YPEL2: variants seen among roughly 807,000 people sequenced by gnomAD.
The protein encoded by YPEL2 is protein yippee-like 2.
A neutral mutation model predicts 19.1 loss-of-function variants in YPEL2; 2 were observed. The ratio of observed to expected loss-of-function variants is 0.10; its 90% CI spans 0.04 to 0.33. The LOEUF (loss-of-function observed/expected upper bound fraction) is 0.33. YPEL2 is among the 10% of genes least tolerant of loss of function. YPEL2 has a pLI of 1.00. For synonymous variants in YPEL2, 52 were observed against 50.0 expected, an observed-to-expected ratio of 1.04 and a Z score of -0.17; for missense variants, 66 against 140.7, an observed-to-expected ratio of 0.47 and a Z score of 2.68.
chr17:59,397,055 T>C (rs778466151), intron 4 of YPEL2, 46 bp from the exon 5 acceptor site: 2 of 1,479,694 alleles, frequency 1.4e-6, no homozygotes, highest in Non-Finnish European at 1.8e-6. Flanking sequence ...ATCATTTTCT[T>C]GTCTTTGGTC....
chr17:59,382,562 A>G (rs1255913748), intron 2 of YPEL2, among the ~76,000 whole-genome samples: 1 of 152,262 alleles, frequency 6.6e-6, no homozygotes, highest in African/African-American at 2.4e-5. Context: ...TATGAATTAC[A>G]TATGTGTGCT....
At chr17:59,393,697 T>A (rs1340402379) in intron 4 of YPEL2, among the ~76,000 whole-genome samples, 1 of 147,390 alleles carries the variant, frequency 6.8e-6, no homozygotes, top group Non-Finnish European at 1.5e-5. Flanking sequence ...TACTTGAGAT[T>A]AGGGAGTGGT....
At chr17:59,360,198 T>G (rs1394348482) in intron 2 of YPEL2, among the ~76,000 whole-genome samples, 3 of 152,224 alleles carry the variant, frequency 2.0e-5, no homozygotes, top group Non-Finnish European at 4.4e-5. Context: ...TGCCTCAGCC[T>G]CCCGAGTAGC....
intron 1 of YPEL2, among the ~76,000 whole-genome samples, chr17:59,334,994 G>A (rs1219362270): frequency 6.6e-6 from 1 of 152,140 alleles, no homozygotes. Context: ...AATTACCTTG[G>A]CATTTCCTTA....
chr17:59,353,607 C>G lies in YPEL2; in HGVS notation c.117+81C>G. Reference sequence around the variant, plus strand: ...CTGAAGTTGCAGAGGTTTACAAGCTCTCAAGAATATTTGTACTCCATCTTT... The same window carrying G: ...CTGAAGTTGCAGAGGTTTACAAGCTGTCAAGAATATTTGTACTCCATCTTT... On this transcript the variant is annotated intron_variant, in intron 2 of 4. Transcript: ENST00000312655. The surrounding 1 kb of genome is among the most constrained non-coding windows in gnomAD (Gnocchi z 4.8). 1 of 1,062,282 alleles carries G rather than the reference C, an allele frequency of 9.4e-7. No individual in the cohort carries two copies. Among genetic ancestry groups the G allele is most frequent in the Admixed American group, 1.7e-5 (1 of 59,178 alleles). 65.8% of individuals were successfully genotyped at this position (1,062,282 alleles called of 1,614,324 possible). A position where few individuals can be genotyped will look rare whatever the true frequency, so the allele number is the denominator to read the frequency against.
At chr17:59,380,832 A>G (rs1015730197) in intron 2 of YPEL2, among the ~76,000 whole-genome samples, 2 of 152,212 alleles carry the variant, frequency 1.3e-5, no homozygotes, top group Non-Finnish European at 2.9e-5. Flanking sequence ...TTGTAACTGG[A>G]AAGTATCATT....
intron 1 of YPEL2, among the ~76,000 whole-genome samples, chr17:59,352,054 C>T (rs2047789989): frequency 6.6e-6 from 1 of 152,170 alleles, no homozygotes; most frequent in Admixed American, 6.5e-5. Flanking sequence ...CGATGATTTG[C>T]AGGCTTTCTC....
At chr17:59,333,488 C>G (rs750092773) in intron 1 of YPEL2, among the ~76,000 whole-genome samples, 6 of 152,190 alleles carry the variant, frequency 3.9e-5, no homozygotes, top group Non-Finnish European at 8.8e-5. Flanking sequence ...TTTCCTTCTT[C>G]CCTCTAGGAG....
At chr17:59,357,688 A>G (rs2047819877) in intron 2 of YPEL2, among the ~76,000 whole-genome samples, 1 of 152,312 alleles carries the variant, frequency 6.6e-6, no homozygotes, top group African/African-American at 2.4e-5. Flanking sequence ...GACATAATCT[A>G]TTATGGAAAC....
intron 4 of YPEL2, among the ~76,000 whole-genome samples, 171 bp downstream of exon 4, chr17:59,389,639 C>T (rs2047997900): frequency 6.6e-6 from 1 of 151,906 alleles, no homozygotes; most frequent in Admixed American, 6.6e-5. Context: ...TATTTCCCTC[C>T]TCCTATTCAT....
chr17:59,333,757 T>C (rs1598020554), intron 1 of YPEL2, among the ~76,000 whole-genome samples: 1 of 152,312 alleles, frequency 6.6e-6, no homozygotes, highest in East Asian at 1.9e-4. Flanking sequence ...AAAGATGACC[T>C]GGGTAGTGTT....
rs1164502437 is a variant in YPEL2 at position 59,353,930 on chromosome 17, A to C, written c.117+404A>C. 2 of 296,234 alleles carry C rather than the reference A, an allele frequency of 6.8e-6. No individual in the cohort carries two copies. The highest frequency in any genetic ancestry group is 1.3e-5 in the Non-Finnish European group (2 of 152,716). 18.4% of individuals were successfully genotyped at this position (296,234 alleles called of 1,614,324 possible). On this transcript the variant is annotated intron_variant, in intron 2 of 4. Coordinates refer to ENST00000312655, the MANE Select transcript of YPEL2 (RefSeq NM_001005404.4). This position sits in a 1 kb window ranked among gnomAD's most constrained non-coding sequence, Gnocchi z 4.8. ...GTAAGAGGGGTTCCTTAGCAAGATGAGAGAGCCACCAGGAAGTTGTGAGAC... is the reference window on the plus strand; with the variant it reads ...GTAAGAGGGGTTCCTTAGCAAGATGCGAGAGCCACCAGGAAGTTGTGAGAC...
intron 2 of YPEL2, among the ~76,000 whole-genome samples, chr17:59,365,917 C>T (rs2047866440): frequency 6.6e-6 from 1 of 152,136 alleles, no homozygotes; most frequent in Non-Finnish European, 1.5e-5. Context: ...ACAGTGATGT[C>T]AAGAGGTGGA....
At chr17:59,350,834 T>G (rs1013888662) in intron 1 of YPEL2, among the ~76,000 whole-genome samples, 1 of 152,188 alleles carries the variant, frequency 6.6e-6, no homozygotes, top group Non-Finnish European at 1.5e-5. Flanking sequence ...ATCTGCTCTC[T>G]AAACTCAGCC....
intron 2 of YPEL2, among the ~76,000 whole-genome samples, chr17:59,375,583 ATAT>A (rs1334138089): frequency 1.3e-5 from 2 of 152,188 alleles, no homozygotes; most frequent in Admixed American, 6.5e-5. Context: ...TACAAATTTA[ATAT>A]TATCCGTTCA....
rs2048051898 is a variant in YPEL2, at chr17:59,398,333, T to C, written c.*1143T>C. The C allele has an allele frequency of 6.6e-6, 1 of 152,192 alleles. No individual in the cohort carries two copies. Among genetic ancestry groups the C allele is most frequent in the Non-Finnish European group, 1.5e-5 (1 of 68,058 alleles). The allele number at this position is 152,192 out of a possible 1,614,324, so 9.4% of individuals were successfully genotyped here. A position where few individuals can be genotyped will look rare whatever the true frequency, so the allele number is the denominator to read the frequency against. On this transcript the variant is annotated 3_prime_UTR_variant, in exon 5 of 5. Coordinates refer to ENST00000312655, the MANE Select transcript of YPEL2 (RefSeq NM_001005404.4). ...GTTCTTAGAGTTTCGGGTGTTTTTC[T>C]CCAGTCTTGTTACTGTAGACTGTAG...
chr17:59,392,491 T>C (rs1440137947), intron 4 of YPEL2, among the ~76,000 whole-genome samples: 1 of 147,170 alleles, frequency 6.8e-6, no homozygotes, highest in East Asian at 2.1e-4. Flanking sequence ...ACCTCCTATG[T>C]GCCAGCTCAG....
chr17:59,379,429 G>A (rs943632363), intron 2 of YPEL2, among the ~76,000 whole-genome samples: 6 of 152,196 alleles, frequency 3.9e-5, no homozygotes, highest in African/African-American at 1.4e-4. Flanking sequence ...TTGAGTTGGA[G>A]GGGTTTAGAC....
intron 1 of YPEL2, among the ~76,000 whole-genome samples, chr17:59,334,215 A>G (rs1397619514): frequency 1.3e-5 from 2 of 152,076 alleles, no homozygotes; most frequent in African/African-American, 2.4e-5. Flanking sequence ...CTGTTCATAG[A>G]TTATGTGAAT....
Sources: allele counts gnomAD v4.1 joint callset (sites outside exome capture counted in the v4.1 genomes callset), GRCh38; gene constraint gnomAD v4.1.1; non-coding constraint Gnocchi (gnomAD v3.1); transcripts MANE v1.5; gene names NCBI Gene and HGNC (gene_info 2026-07-23, HGNC 2026-07-21).